RBFOX1: variants seen among roughly 807,000 people sequenced by gnomAD.
The protein encoded by RBFOX1 is RNA binding fox-1 homolog 1.
RBFOX1 carries 8 observed loss-of-function variants against 57.7 expected under a neutral mutation model. That is an observed-to-expected ratio of 0.14 (90% CI 0.08 to 0.25). RBFOX1 has a LOEUF of 0.25. Ranked by LOEUF, RBFOX1 falls within the 10% of genes least tolerant of loss-of-function variation. RBFOX1 has a pLI of 1.00. For missense variants in RBFOX1, 611 were observed against 548.5 expected (o/e 1.11, Z -1.14); for synonymous variants, 326 against 222.4 (o/e 1.47, Z -4.15).
chr16:5,861,774 T>G (rs1187145719), intron 3 of RBFOX1, among the ~76,000 whole-genome samples: 1 of 152,178 alleles, frequency 6.6e-6, no homozygotes, highest in African/African-American at 2.4e-5. Context: ...TGTTGCAAAG[T>G]GCAAAGGATG....
intron 3 of RBFOX1, among the ~76,000 whole-genome samples, chr16:6,884,965 C>T (rs1260796166): frequency 6.6e-6 from 1 of 152,150 alleles, no homozygotes. Flanking sequence ...GAGACCGCAA[C>T]CCAGATCTAT....
intron 1 of RBFOX1, among the ~76,000 whole-genome samples, chr16:5,436,566 C>G (rs1251324707): frequency 2.0e-5 from 3 of 152,142 alleles, no homozygotes; most frequent in African/African-American, 7.2e-5. Context: ...TCTGGCCAGG[C>G]ATGGTGGTTC....
At chr16:6,774,240 A>C (rs973996900) in intron 3 of RBFOX1, among the ~76,000 whole-genome samples, 5 of 152,110 alleles carry the variant, frequency 3.3e-5, no homozygotes, top group African/African-American at 1.2e-4. Context: ...CTACATTTGA[A>C]AGGAAGCTTT....
chr16:6,939,441 T>C (rs929323179), intron 3 of RBFOX1, among the ~76,000 whole-genome samples: 2 of 152,016 alleles, frequency 1.3e-5, no homozygotes, highest in African/African-American at 4.8e-5. Context: ...GACATCTGTT[T>C]TTATCTGGGT....
intron 2 of RBFOX1, among the ~76,000 whole-genome samples, chr16:6,478,713 T>C (rs1221861649): frequency 6.6e-6 from 1 of 151,900 alleles, no homozygotes; most frequent in Non-Finnish European, 1.5e-5. Flanking sequence ...CCTTAAGGAA[T>C]GGGAAGGCCA....
At chr16:6,067,468 A>G (rs2095782302) in intron 1 of RBFOX1, among the ~76,000 whole-genome samples, 1 of 152,244 alleles carries the variant, frequency 6.6e-6, no homozygotes, top group African/African-American at 2.4e-5. Flanking sequence ...AAAATAAGAT[A>G]GAAATAAATC....
At chr16:7,558,403 T>A (rs1398296025) in intron 5 of RBFOX1, among the ~76,000 whole-genome samples, 1 of 152,042 alleles carries the variant, frequency 6.6e-6, no homozygotes, top group Non-Finnish European at 1.5e-5. Flanking sequence ...CACACACATA[T>A]ATATTTATGC....
intron 4 of RBFOX1, among the ~76,000 whole-genome samples, chr16:7,446,336 C>T (rs1213674510): frequency 6.6e-6 from 1 of 151,998 alleles, no homozygotes; most frequent in Non-Finnish European, 1.5e-5. Context: ...CCATGTTGTC[C>T]CAGGAATGAA....
At chr16:6,618,523 T>C (rs2098176576) in intron 2 of RBFOX1, among the ~76,000 whole-genome samples, 1 of 152,186 alleles carries the variant, frequency 6.6e-6, no homozygotes. Context: ...TTAATGTGGA[T>C]TTTGCTTATA....
At chr16:7,606,118 A>ATT (rs34232105) in intron 9 of RBFOX1, among the ~76,000 whole-genome samples, 3,985 of 114,556 alleles carry the variant, frequency 0.035, 120 homozygotes, top group Non-Finnish European at 0.051. Context: ...ACCTGCATGG[A>ATT]TTTTTTTTTT....
chr16:6,646,955 C>G (rs899128077), intron 2 of RBFOX1, among the ~76,000 whole-genome samples: 1 of 152,154 alleles, frequency 6.6e-6, no homozygotes, highest in Admixed American at 6.5e-5. Flanking sequence ...CCTTACAGGT[C>G]GTCTGGGAAC....
intron 3 of RBFOX1, among the ~76,000 whole-genome samples, chr16:6,727,412 C>T (rs4287570): frequency 0.91 from 138,682 of 152,024 alleles, 64,646 homozygotes; most frequent in East Asian, 1. Context: ...ACAATTGTTC[C>T]TGGTTTTTTT....
At chr16:6,941,859 T>A (rs765811822) in intron 3 of RBFOX1, among the ~76,000 whole-genome samples, 38 of 151,904 alleles carry the variant, frequency 2.5e-4, no homozygotes, top group Non-Finnish European at 3.7e-4. Context: ...CCATCTGGAG[T>A]GCAGTAAGTG....
intron 3 of RBFOX1, among the ~76,000 whole-genome samples, chr16:5,775,804 G>A (rs182376954): frequency 9.1e-4 from 138 of 152,344 alleles, no homozygotes; most frequent in Non-Finnish European, 1.6e-3. Context: ...ATGTCCAGAT[G>A]AAAGAAAATA....
chr16:6,455,559 C>A (rs779261475), intron 2 of RBFOX1, among the ~76,000 whole-genome samples: 14 of 152,158 alleles, frequency 9.2e-5, no homozygotes, highest in Non-Finnish European at 1.6e-4. Context: ...AAAACGATCA[C>A]CATAAAACTA....
At chr16:7,456,215 A>G (rs2058482402) in intron 4 of RBFOX1, among the ~76,000 whole-genome samples, 1 of 152,132 alleles carries the variant, frequency 6.6e-6, no homozygotes, top group Admixed American at 6.5e-5. Context: ...CCATCCCTTT[A>G]ACAGTTCCTC....
rs371817817 is a variant in RBFOX1, at chr16:6,949,957, TG to T, written c.-15-102099del. Reference sequence around the variant, plus strand: ...TACGTTTTTTTGTTGTTGTTGTTGTTGTTTTTTGGTACAGAGTCTTGCTCTG... The same window carrying T: ...TACGTTTTTTTGTTGTTGTTGTTGTTTTTTTTGGTACAGAGTCTTGCTCTG... On this transcript the variant is annotated intron_variant, in intron 3 of 15. Coordinates refer to ENST00000550418, the MANE Select transcript of RBFOX1 (RefSeq NM_018723.4). Among the ~76,000 whole-genome samples the T allele has an allele frequency of 7.1e-4, 107 of 150,842 alleles. 2 individuals carry two copies. Among genetic ancestry groups the T allele is most frequent in the Middle Eastern group, 3.4e-3 (1 of 292 alleles).
At chr16:6,802,254 C>G (rs967103213) in intron 3 of RBFOX1, among the ~76,000 whole-genome samples, 2 of 151,912 alleles carry the variant, frequency 1.3e-5, no homozygotes, top group Non-Finnish European at 2.9e-5. Context: ...CAGTCAGTGC[C>G]GAAACAGTAG....
intron 2 of RBFOX1, among the ~76,000 whole-genome samples, chr16:5,512,086 G>C (rs1049148025): frequency 6.6e-6 from 1 of 152,224 alleles, no homozygotes; most frequent in Non-Finnish European, 1.5e-5. Context: ...GGGGTGATAT[G>C]TCTTGTCCGG....
Sources: gnomAD v4.1 joint callset for allele counts (sites outside exome capture counted in the v4.1 genomes callset) on GRCh38, gnomAD v4.1.1 for gene constraint, MANE v1.5 for transcripts, NCBI Gene and HGNC (gene_info 2026-07-23, HGNC 2026-07-21) for gene names.